The following XKR6 variants were observed in gnomAD, a reference collection of about 807,000 sequenced individuals.
XKR6 encodes the protein XK-related protein 6.
XKR6 carries 22 observed loss-of-function variants against 56.7 expected under a neutral mutation model. That is an observed-to-expected ratio of 0.39 (90% confidence interval 0.28 to 0.55). XKR6 has a LOEUF of 0.55. XKR6 is among the 20% of genes least tolerant of loss of function. The probability of loss-of-function intolerance (pLI) is 0.66; values close to 1 mark genes in which losing one functional copy is unlikely to be tolerated. For missense variants in XKR6, 852 were observed against 889.0 expected (o/e 0.96, Z 0.53); for synonymous variants, 524 against 387.8 (o/e 1.35, Z -4.13).
At chr8:11,162,914 G>T (rs924341195) in intron 1 of XKR6, among the ~76,000 whole-genome samples, 1 of 152,176 alleles carries the variant, frequency 6.6e-6, no homozygotes, top group Non-Finnish European at 1.5e-5. Flanking sequence ...AGAAATTTTT[G>T]CTAATTCATC....
At chr8:11,015,572 A>C (rs1798600035) in intron 1 of XKR6, among the ~76,000 whole-genome samples, 1 of 152,058 alleles carries the variant, frequency 6.6e-6, no homozygotes, top group South Asian at 2.1e-4. Context: ...GGTCTGACCG[A>C]GGGGATGAGT....
At chr8:10,992,293 A>T (rs760474754) in intron 1 of XKR6, among the ~76,000 whole-genome samples, 109 of 152,176 alleles carry the variant, frequency 7.2e-4, no homozygotes, top group African/African-American at 2.2e-3. Context: ...TCTCTCACAC[A>T]CACACACACA....
chr8:11,068,201 G>GCCCCTCCCAGGC (rs981782986), intron 1 of XKR6, among the ~76,000 whole-genome samples: 1 of 152,168 alleles, frequency 6.6e-6, no homozygotes, highest in Non-Finnish European at 1.5e-5. Context: ...CCCTCCCAGG[G>GCCCCTCCCAGGC]CCCCTCCCAG....
intron 1 of XKR6, among the ~76,000 whole-genome samples, chr8:10,980,993 G>A (rs115222117): frequency 0.025 from 3,837 of 152,156 alleles, 149 homozygotes; most frequent in African/African-American, 0.087. Context: ...AAAAAGAGAA[G>A]AGCCCAACAT....
chr8:11,019,945 G>T (rs919678145), intron 1 of XKR6, among the ~76,000 whole-genome samples: 5 of 152,180 alleles, frequency 3.3e-5, no homozygotes, highest in Non-Finnish European at 7.3e-5. Flanking sequence ...GCTATAAATA[G>T]TGGAGGAACC....
In XKR6 at chr8:11,112,484, T is replaced by C. The variant is rs1586560448; in HGVS notation, c.764+88092A>G. 2.6e-5 allele frequency among the ~76,000 whole-genome samples: 4 copies of C among 152,286 alleles called. No individual in the cohort carries two copies. The East Asian group carries it at 7.7e-4, about 29-fold the overall frequency. On this transcript the variant is annotated intron_variant, in intron 1 of 2. Coordinates refer to ENST00000416569, the MANE Select transcript of XKR6 (RefSeq NM_173683.4). ...AAAGTAAAAACATCAGTATTATTTC[T>C]CATTAAAAATATTAATATACAAAAG...
At chr8:11,173,354 T>A (rs1018858799) in intron 1 of XKR6, among the ~76,000 whole-genome samples, 6 of 144,408 alleles carry the variant, frequency 4.2e-5, no homozygotes, top group East Asian at 2.0e-4. Context: ...AAAAAAAATA[T>A]ATATATATAT....
At chr8:10,973,126 A>G (rs1346769538) in intron 1 of XKR6, among the ~76,000 whole-genome samples, 1 of 152,248 alleles carries the variant, frequency 6.6e-6, no homozygotes, top group Admixed American at 6.5e-5. Context: ...GAGAACACGC[A>G]TTATAGGACT....
At chr8:10,984,732 C>CTCTCTCTCTATATATATATATA in intron 1 of XKR6, among the ~76,000 whole-genome samples, 81 of 47,468 alleles carry the variant, frequency 1.7e-3, no homozygotes, top group Non-Finnish European at 2.6e-3. Flanking sequence ...CTCTCTCTCT[C>CTCTCTCTCTATATATATATATA]TATATATATA....
intron 1 of XKR6, among the ~76,000 whole-genome samples, chr8:11,054,006 G>A (rs529636657): frequency 6.6e-6 from 1 of 152,316 alleles, no homozygotes; most frequent in African/African-American, 2.4e-5. Flanking sequence ...TGGAGTGGAT[G>A]TTTTTCCTTC....
At chr8:11,158,455 G>C (rs998333352) in intron 1 of XKR6, among the ~76,000 whole-genome samples, 1 of 152,174 alleles carries the variant, frequency 6.6e-6, no homozygotes, top group Non-Finnish European at 1.5e-5. Context: ...CAAGAAATCA[G>C]ACAACCGGAT....
chr8:10,938,747 T>A (rs2129122800), intron 1 of XKR6, among the ~76,000 whole-genome samples: 1 of 152,318 alleles, frequency 6.6e-6, no homozygotes, highest in South Asian at 2.1e-4. Context: ...GTGGTGGAAC[T>A]GTCCTGTGAG....
intron 1 of XKR6, among the ~76,000 whole-genome samples, chr8:11,165,757 T>C (rs1802040529): frequency 6.6e-6 from 1 of 152,060 alleles, no homozygotes; most frequent in Non-Finnish European, 1.5e-5. Flanking sequence ...CCATACATTC[T>C]TGCATCAAAG....
intron 1 of XKR6, among the ~76,000 whole-genome samples, chr8:11,161,155 G>A (rs1489214311): frequency 1.3e-5 from 2 of 152,162 alleles, no homozygotes; most frequent in Non-Finnish European, 2.9e-5. Flanking sequence ...GTACCTGGTA[G>A]AAATTAAATT....
intron 2 of XKR6, among the ~76,000 whole-genome samples, chr8:10,908,648 G>C (rs890287822): frequency 3.9e-5 from 6 of 151,990 alleles, no homozygotes; most frequent in Admixed American, 2.6e-4. Context: ...TTCTCAGCCA[G>C]GCCCTCCCCG....
intron 1 of XKR6, among the ~76,000 whole-genome samples, chr8:11,198,191 C>T (rs1475249247): frequency 1.3e-5 from 2 of 152,182 alleles, no homozygotes; most frequent in African/African-American, 4.8e-5. Context: ...AAGAATTCCT[C>T]TAAAGCTTTT....
intron 1 of XKR6, chr8:11,175,487 G>A (rs1250998017): frequency 6.5e-6 from 1 of 154,228 alleles, no homozygotes; most frequent in African/African-American, 2.4e-5. Flanking sequence ...GGAACAAATT[G>A]TTCCTAAATC....
chr8:11,017,978 G>A (rs187181719), intron 1 of XKR6, among the ~76,000 whole-genome samples: 1 of 152,306 alleles, frequency 6.6e-6, no homozygotes, highest in East Asian at 1.9e-4. Flanking sequence ...CATCTCCTCT[G>A]TTATACCTGT....
intron 1 of XKR6, among the ~76,000 whole-genome samples, chr8:11,075,248 G>C (rs1489874395): frequency 1.3e-5 from 2 of 152,172 alleles, no homozygotes; most frequent in African/African-American, 2.4e-5. Flanking sequence ...CCCTTGATTG[G>C]TCTTACTCCG....
Sources: gnomAD v4.1 joint callset for allele counts (sites outside exome capture counted in the v4.1 genomes callset) on GRCh38, gnomAD v4.1.1 for gene constraint, MANE v1.5 for transcripts, NCBI Gene and HGNC (gene_info 2026-07-23, HGNC 2026-07-21) for gene names.